NAIF1: variants seen among roughly 807,000 people sequenced by gnomAD.
NAIF1 encodes the protein nuclear apoptosis inducing factor 1, also known as nuclear apoptosis-inducing factor 1.
In NAIF1, 14 loss-of-function variants were observed where a neutral mutation model predicts 20.7. That is an observed-to-expected ratio of 0.67 (90% CI 0.45 to 1.05). NAIF1 has a LOEUF of 1.05. Among genes scored for constraint, NAIF1 ranks in the 50% least tolerant of loss-of-function variants. NAIF1 has a pLI of 0.00. For missense variants in NAIF1, 362 were observed against 448.8 expected, an observed-to-expected ratio of 0.81 and a Z score of 1.75; for synonymous variants, 191 against 191.4, an observed-to-expected ratio of 1.00 and a Z score of 0.02.
intron 1 of NAIF1, among the ~76,000 whole-genome samples, chr9:128,065,108 TGC>T (rs896976300): frequency 1.1e-4 from 13 of 114,166 alleles, no homozygotes; most frequent in Admixed American, 9.6e-4. Context: ...TGATGCTTTC[TGC>T]TTTTTTTTTT....
chr9:128,064,245 C>T (rs1386777487), intron 1 of NAIF1, among the ~76,000 whole-genome samples: 1 of 151,622 alleles, frequency 6.6e-6, no homozygotes, highest in African/African-American at 2.4e-5. Context: ...CCCGCCACTG[C>T]GCCCGGCTAA....
rs1832737210 is a variant in NAIF1 at position 128,063,095 on chromosome 9, C to T, written c.*333G>A. 6.3e-6 allele frequency: 2 copies of T among 315,400 alleles called. No homozygotes were observed. The highest frequency in any genetic ancestry group is 2.1e-5 in the African/African-American group (1 of 48,062). 19.5% of individuals were successfully genotyped at this position (315,400 alleles called of 1,614,324 possible). A position where few individuals can be genotyped will look rare whatever the true frequency, so the allele number is the denominator to read the frequency against. On this transcript the variant is annotated 3_prime_UTR_variant, in exon 2 of 2. Transcript: ENST00000373078. This position sits in a 1 kb window ranked among gnomAD's most constrained non-coding sequence, Gnocchi z 4.3. ...TGGGTGACGGCCCCCAGTGACAGCC[C>T]GTTGTGTTGTTCCTTACAGTTGTCC...
In NAIF1 at chr9:128,063,767, C is replaced by T. The variant is rs768085975; in HGVS notation, c.645G>A (p.Pro215=). The T allele has an allele frequency of 1.2e-5, 19 of 1,613,936 alleles. No individual in the cohort carries two copies. Among genetic ancestry groups the T allele is most frequent in the East Asian group, 4.5e-5 (2 of 44,902 alleles). Residue 215 remains proline, a synonymous_variant, in exon 2 of 2, where the codon CCG becomes CCA. Coordinates refer to ENST00000373078, the MANE Select transcript of NAIF1 (RefSeq NM_197956.4). This position sits in a 1 kb window ranked among gnomAD's most constrained non-coding sequence, Gnocchi z 4.3. The part of the protein sequence containing the change: ...MAQHADTSVK[P]QALKSRIALN... ...GAGCAATGCGGCTCTTGAGCGCTTG[C>T]GGCTTGACCGACGTGTCTGCATGCT...
At position 128,063,110 on chromosome 9, in the gene NAIF1, T is replaced by C. The variant is rs1832737310; in HGVS notation, c.*318A>G. The C allele has an allele frequency of 2.7e-6, 1 of 371,058 alleles. No homozygotes were observed. Among genetic ancestry groups the C allele is most frequent in the African/African-American group, 2.0e-5 (1 of 49,420 alleles). 23.0% of individuals were successfully genotyped at this position (371,058 alleles called of 1,614,324 possible). A position where few individuals can be genotyped will look rare whatever the true frequency, so the allele number is the denominator to read the frequency against. ...AGTGACAGCCCGTTGTGTTGTTCCT[T>C]ACAGTTGTCCAAGACCAAGGCTGGG... On this transcript the variant is annotated 3_prime_UTR_variant, in exon 2 of 2. Transcript: ENST00000373078. This position sits in a 1 kb window ranked among gnomAD's most constrained non-coding sequence, Gnocchi z 4.3.
rs907893899 is a variant in NAIF1, at chr9:128,062,460, A to G, written c.*968T>C. On this transcript the variant is annotated 3_prime_UTR_variant, in exon 2 of 2. Transcript: ENST00000373078. Reference sequence around the variant, plus strand: ...TGATGCTCAGCAGGGCTTTTTTTGCACTGAATTTTGGAAATGTGGAGTCAG... The same window carrying G: ...TGATGCTCAGCAGGGCTTTTTTTGCGCTGAATTTTGGAAATGTGGAGTCAG... The G allele has an allele frequency of 1.3e-5, 2 of 152,512 alleles. No individual in the cohort carries two copies. Among genetic ancestry groups the G allele is most frequent in the African/African-American group, 4.8e-5 (2 of 41,436 alleles). The allele number at this position is 152,512 out of a possible 1,614,324, so 9.4% of individuals were successfully genotyped here.
chr9:128,065,844 G>A (rs1018658027), intron 1 of NAIF1, among the ~76,000 whole-genome samples: 6 of 152,072 alleles, frequency 3.9e-5, no homozygotes, highest in Admixed American at 1.3e-4. Context: ...ATGGGCCTCC[G>A]CGCATGTGGG....
intron 1 of NAIF1, among the ~76,000 whole-genome samples, chr9:128,065,073 G>A (rs1460475541): frequency 6.6e-6 from 1 of 151,144 alleles, no homozygotes; most frequent in African/African-American, 2.4e-5. Context: ...CACGCTCTTT[G>A]CAGCCACATT....
chr9:128,064,691 G>A (rs1246688797), intron 1 of NAIF1, among the ~76,000 whole-genome samples: 4 of 151,900 alleles, frequency 2.6e-5, no homozygotes, highest in African/African-American at 9.7e-5. Context: ...CCTCCACGCT[G>A]GGCTGCTCCT....
At chr9:128,066,566 C>T (rs934066336) in intron 1 of NAIF1, 25 bp downstream of exon 1, 4 of 1,485,896 alleles carry the variant, frequency 2.7e-6, no homozygotes, top group Non-Finnish European at 3.6e-6. Context: ...TTATGCACGC[C>T]GCCTGGGCAG....
chr9:128,066,664 G>T lies in NAIF1; in HGVS notation c.438C>A (p.Ser146Arg). The T allele has an allele frequency of 6.3e-7, 1 of 1,593,326 alleles. No homozygotes were observed. The highest frequency in any genetic ancestry group is 8.6e-7 in the Non-Finnish European group (1 of 1,168,960). ...GGGCCACAGGGTGGATCTCTGTGGT[G>T]CTGGGCAGGCTGATGATGGTGGCCT... ...LGEATIISLP[S>R]TTEIHPVALG... The change falls in exon 1 of 2, where the codon AGC becomes AGA. Residue 146 changes from serine to arginine, a missense_variant. Transcript: ENST00000373078.
rs1254617264 is a variant in NAIF1, at chr9:128,063,933, G to T, written c.512-33C>A. 3 of 1,577,868 alleles carry T rather than the reference G, an allele frequency of 1.9e-6. No individual in the cohort carries two copies. Among genetic ancestry groups the T allele is most frequent in the African/African-American group, 1.3e-5 (1 of 74,540 alleles). On this transcript the variant is annotated intron_variant, in intron 1 of 1. Transcript: ENST00000373078. The surrounding 1 kb of genome is among the most constrained non-coding windows in gnomAD (Gnocchi z 4.3). ...GTAGAAAGAACAGAGGCCAAGGGAGGTCACTTTCTGGAAGGAATAAAGCTG... is the reference window on the plus strand; with the variant it reads ...GTAGAAAGAACAGAGGCCAAGGGAGTTCACTTTCTGGAAGGAATAAAGCTG...
rs908894028 is a variant in NAIF1 at position 128,061,236 on chromosome 9, G to A, written c.*2192C>T. On this transcript the variant is annotated 3_prime_UTR_variant, in exon 2 of 2. Coordinates refer to ENST00000373078, the MANE Select transcript of NAIF1 (RefSeq NM_197956.4). The stretch of plus-strand genomic sequence containing the variant: ...AAGCAATAAAGACACAGAGATGTGT[G>A]TATAAAAAAGTGATATGTCTTTAAT... The A allele has an allele frequency of 2.0e-5, 3 of 152,116 alleles. No homozygotes were observed. The highest frequency in any genetic ancestry group is 7.2e-5 in the African/African-American group (3 of 41,420). 9.4% of individuals were successfully genotyped at this position (152,116 alleles called of 1,614,324 possible).
At position 128,066,813 on chromosome 9, in the gene NAIF1, C is replaced by G. The variant is rs1368569739; in HGVS notation, c.289G>C (p.Gly97Arg). ...RAAVEGGEAPGPTEEDGAGGP... is the reference protein window; with the variant it reads ...RAAVEGGEAPRPTEEDGAGGP... ...CCAGCTCCGTCCTCCTCAGTGGGCC[C>G]CGGCGCCTCACCACCCTCCACGGCG... Residue 97 changes from glycine (G) to arginine (R), a missense_variant, in exon 1 of 2, where the codon GGG becomes CGG. Coordinates refer to ENST00000373078, the MANE Select transcript of NAIF1 (RefSeq NM_197956.4). 2 of 1,611,216 alleles carry G rather than the reference C, an allele frequency of 1.2e-6. No individual in the cohort carries two copies. Among genetic ancestry groups the G allele is most frequent in the Non-Finnish European group, 1.7e-6 (2 of 1,178,788 alleles).
chr9:128,063,944 G>A lies in NAIF1; in HGVS notation c.512-44C>T, dbSNP rs559671276. On this transcript the variant is annotated intron_variant, in intron 1 of 1. Transcript: ENST00000373078. This position sits in a 1 kb window ranked among gnomAD's most constrained non-coding sequence, Gnocchi z 4.3. Reference sequence around the variant, plus strand: ...AGAGGCCAAGGGAGGTCACTTTCTGGAAGGAATAAAGCTGGCTGTATGGGG... The same window carrying A: ...AGAGGCCAAGGGAGGTCACTTTCTGAAAGGAATAAAGCTGGCTGTATGGGG... 29 of 1,562,304 alleles carry A rather than the reference G, an allele frequency of 1.9e-5. No individual in the cohort carries two copies. The South Asian group carries it at 2.8e-4, about 15-fold the overall frequency.
Position 128,062,622 on chromosome 9 carries a change from T to C in NAIF1, c.*806A>G, listed in dbSNP as rs1832732763. 1 of 152,178 alleles carries C rather than the reference T, an allele frequency of 6.6e-6. No individual in the cohort carries two copies. Among genetic ancestry groups the C allele is most frequent in the Admixed American group, 6.5e-5 (1 of 15,268 alleles). The allele number at this position is 152,178 out of a possible 1,614,324, so 9.4% of individuals were successfully genotyped here. On this transcript the variant is annotated 3_prime_UTR_variant, in exon 2 of 2. Transcript: ENST00000373078. ...AAGCCAACAGGTCACTCAGACCCAC[T>C]GCAGTGGGGCAGCAAGCTTCCACAC...
Position 128,066,579 on chromosome 9 carries a change from G to A in NAIF1, c.511+12C>T. On this transcript the variant is annotated intron_variant, in intron 1 of 1. Coordinates refer to ENST00000373078, the MANE Select transcript of NAIF1 (RefSeq NM_197956.4). ...ACTTATGCACGCCGCCTGGGCAGGA[G>A]AGGTCACTCACTCTGTGTCAGGGTG... is the stretch of plus-strand genomic sequence containing the variant. 2 of 1,498,420 alleles carry A rather than the reference G, an allele frequency of 1.3e-6. No individual in the cohort carries two copies. The highest frequency in any genetic ancestry group is 1.8e-6 in the Non-Finnish European group (2 of 1,124,880). The allele number at this position is 1,498,420 out of a possible 1,614,324, so 92.8% of individuals were successfully genotyped here.
rs778314640 is a variant in NAIF1 at position 128,066,607 on chromosome 9, C to T, written c.495G>A (p.Thr165=). 1.6e-5 allele frequency: 24 copies of T among 1,522,594 alleles called. No individual in the cohort carries two copies. The South Asian group carries it at 1.8e-4, about 12-fold the overall frequency. 94.3% of individuals were successfully genotyped at this position (1,522,594 alleles called of 1,614,324 possible). ...GTCACTCACTCTGTGTCAGGGTGAC[C>T]GTGGCTGCGGCTGCGGTGGCCGAGG... is the stretch of plus-strand genomic sequence containing the variant. ...LGPSATAAAA[T]VTLTQIPTET... The change falls in exon 1 of 2, where the codon ACG becomes ACA. Residue 165 remains threonine (T), a synonymous_variant. Transcript: ENST00000373078.
At position 128,067,234 on chromosome 9, in the gene NAIF1, A is replaced by G. The variant is rs1832796753; in HGVS notation, c.-133T>C. On this transcript the variant is annotated 5_prime_UTR_variant, in exon 1 of 2. Transcript: ENST00000373078. ...AGGCCAGGCTTGCTCGAGGCCAAGCACTAGGCCTTTGGTAACCCCCCTCGC... is the reference window on the plus strand; with the variant it reads ...AGGCCAGGCTTGCTCGAGGCCAAGCGCTAGGCCTTTGGTAACCCCCCTCGC... 2 of 1,155,382 alleles carry G rather than the reference A, an allele frequency of 1.7e-6. No homozygotes were observed. The highest frequency in any genetic ancestry group is 5.0e-5 in the Admixed American group (2 of 40,026). 71.6% of individuals were successfully genotyped at this position (1,155,382 alleles called of 1,614,324 possible).
rs1425031330 is a variant in NAIF1 at position 128,063,373 on chromosome 9, C to T, written c.*55G>A. 1.3e-6 allele frequency: 2 copies of T among 1,517,610 alleles called. No individual in the cohort carries two copies. The highest frequency in any genetic ancestry group is 1.4e-5 in the African/African-American group (1 of 73,204). 94.0% of individuals were successfully genotyped at this position (1,517,610 alleles called of 1,614,324 possible). On this transcript the variant is annotated 3_prime_UTR_variant, in exon 2 of 2. Transcript: ENST00000373078. The surrounding 1 kb of genome is among the most constrained non-coding windows in gnomAD (Gnocchi z 4.3). Reference sequence around the variant, plus strand: ...CAAGGCCAATCACAGGACCCACTTACAAGTCCATGGAGTTTTCATCCCATC... The same window carrying T: ...CAAGGCCAATCACAGGACCCACTTATAAGTCCATGGAGTTTTCATCCCATC...
Sources: allele counts gnomAD v4.1 joint callset (sites outside exome capture counted in the v4.1 genomes callset), GRCh38; gene constraint gnomAD v4.1.1; non-coding constraint Gnocchi (gnomAD v3.1); transcripts MANE v1.5; gene names NCBI Gene and HGNC (gene_info 2026-07-23, HGNC 2026-07-21).